Variants in MGMT observed in about 807,000 individuals in gnomAD.
MGMT encodes the protein methylated-DNA--protein-cysteine methyltransferase.
In MGMT, 14 loss-of-function variants were observed where a neutral mutation model predicts 15.9. The ratio of observed to expected loss-of-function variants is 0.88; its 90% CI spans 0.58 to 1.37. The LOEUF (loss-of-function observed/expected upper bound fraction) is 1.37. Ranked by LOEUF, MGMT falls within the 40% of genes most tolerant of loss-of-function variation. MGMT has a pLI of 0.00. For synonymous variants in MGMT, 130 were observed against 118.2 expected (o/e 1.10, Z -0.65); for missense variants, 282 against 268.1 (o/e 1.05, Z -0.36).
chr10:129,701,745 T>TA, intron 2 of MGMT: 1 of 152,268 alleles, frequency 6.6e-6, no homozygotes, highest in South Asian at 2.1e-4. Context: ...CCTTTGTCTG[T>TA]GGCCAGGTGG....
chr10:129,654,640 T>C (rs1847502819), intron 2 of MGMT, among the ~76,000 whole-genome samples: 1 of 151,856 alleles, frequency 6.6e-6, no homozygotes, highest in Admixed American at 6.6e-5. Flanking sequence ...AGGGCCTGTA[T>C]GGGTGGGTAA....
intron 2 of MGMT, among the ~76,000 whole-genome samples, chr10:129,703,390 G>A (rs750966632): frequency 3.3e-5 from 5 of 152,162 alleles, no homozygotes; most frequent in Non-Finnish European, 7.3e-5. Context: ...TTTTGCTCAG[G>A]GGTGATGAAG....
At chr10:129,515,340 G>T (rs1394958497) in intron 1 of MGMT, among the ~76,000 whole-genome samples, 7 of 152,180 alleles carry the variant, frequency 4.6e-5, no homozygotes, top group Non-Finnish European at 1.5e-5. Flanking sequence ...CGGAGTGTGG[G>T]GTTGGGGACT....
At chr10:129,476,671 G>A (rs962093283) in intron 1 of MGMT, among the ~76,000 whole-genome samples, 1 of 152,164 alleles carries the variant, frequency 6.6e-6, no homozygotes, top group African/African-American at 2.4e-5. Flanking sequence ...GTGGCTGGGT[G>A]GGGAGGTCAG....
intron 2 of MGMT, among the ~76,000 whole-genome samples, chr10:129,542,993 A>G (rs1326658369): frequency 6.6e-6 from 1 of 152,254 alleles, no homozygotes; most frequent in Non-Finnish European, 1.5e-5. Flanking sequence ...AGTGTCCTTT[A>G]GAAGCCAGAC....
At chr10:129,572,674 A>G (rs1399473567) in intron 2 of MGMT, among the ~76,000 whole-genome samples, 7 of 152,230 alleles carry the variant, frequency 4.6e-5, no homozygotes, top group East Asian at 3.8e-4. Flanking sequence ...CACTCAGTGT[A>G]GATATTAAGT....
At chr10:129,661,708 G>A (rs867742892) in intron 2 of MGMT, among the ~76,000 whole-genome samples, 4 of 152,010 alleles carry the variant, frequency 2.6e-5, no homozygotes, top group African/African-American at 7.3e-5. Context: ...AAAGTTTTCC[G>A]CAATTTAATC....
At chr10:129,740,795 TG>T (rs1271890101) in intron 3 of MGMT, among the ~76,000 whole-genome samples, 1 of 151,940 alleles carries the variant, frequency 6.6e-6, no homozygotes, top group Non-Finnish European at 1.5e-5. Context: ...ACCTGCAGAG[TG>T]GATGATGGGG....
chr10:129,607,426 T>C (rs1292092834), intron 2 of MGMT, among the ~76,000 whole-genome samples: 1 of 152,230 alleles, frequency 6.6e-6, no homozygotes, highest in African/African-American at 2.4e-5. Context: ...CAATTGACTC[T>C]GTGACCATTA....
intron 1 of MGMT, among the ~76,000 whole-genome samples, chr10:129,474,800 G>A (rs767685514): frequency 3.9e-5 from 6 of 152,198 alleles, no homozygotes; most frequent in Admixed American, 6.5e-5. Flanking sequence ...GACGTGTTTC[G>A]TGGGCTGGTG....
At chr10:129,747,496 CT>C (rs1210763943) in intron 3 of MGMT, among the ~76,000 whole-genome samples, 1 of 151,988 alleles carries the variant, frequency 6.6e-6, no homozygotes, top group Non-Finnish European at 1.5e-5. Context: ...TTTTAATAGC[CT>C]TTGTTTTTAG....
At chr10:129,507,964 C>CT (rs1019468126) in intron 1 of MGMT, among the ~76,000 whole-genome samples, 12 of 152,294 alleles carry the variant, frequency 7.9e-5, no homozygotes, top group Admixed American at 2.0e-4. Context: ...CCACTGGATT[C>CT]TGGGTGGGAT....
At chr10:129,660,713 A>G (rs895646476) in intron 2 of MGMT, among the ~76,000 whole-genome samples, 1 of 152,104 alleles carries the variant, frequency 6.6e-6, no homozygotes, top group Non-Finnish European at 1.5e-5. Context: ...AACCCCTCAG[A>G]AATATGCAAA....
intron 4 of MGMT, among the ~76,000 whole-genome samples, chr10:129,760,649 G>A (rs138280837): frequency 5.3e-4 from 80 of 152,330 alleles, no homozygotes; most frequent in South Asian, 1.7e-3. Flanking sequence ...TGACAGTTAC[G>A]TAGGCTTTTG....
intron 2 of MGMT, among the ~76,000 whole-genome samples, chr10:129,636,936 C>T (rs1284926733): frequency 1.3e-5 from 2 of 152,188 alleles, no homozygotes; most frequent in African/African-American, 4.8e-5. Context: ...TTTAAATTGA[C>T]AAGAGCAGCC....
At chr10:129,499,899 C>T (rs1034044827) in intron 1 of MGMT, among the ~76,000 whole-genome samples, 1 of 152,110 alleles carries the variant, frequency 6.6e-6, no homozygotes, top group African/African-American at 2.4e-5. Context: ...AGTTTTCACC[C>T]GATGACTGAA....
At chr10:129,759,382 G>C (rs2308323) in intron 4 of MGMT, 41 bp downstream of exon 4, 2 of 1,612,926 alleles carry the variant, frequency 1.2e-6, no homozygotes, top group Admixed American at 1.7e-5. Flanking sequence ...GGTGGCGGGT[G>C]CGTGCAGGTG....
intron 1 of MGMT, among the ~76,000 whole-genome samples, chr10:129,486,469 G>A (rs1038443553): frequency 2.0e-5 from 3 of 152,108 alleles, no homozygotes; most frequent in African/African-American, 7.2e-5. Flanking sequence ...GATTACAGGT[G>A]TGAGCCACTG....
intron 1 of MGMT, among the ~76,000 whole-genome samples, chr10:129,535,508 C>T (rs1008826335): frequency 1.3e-5 from 2 of 152,226 alleles, no homozygotes; most frequent in Non-Finnish European, 2.9e-5. Context: ...CAGGTGTGTG[C>T]TATCATACCC....
Sources: gnomAD v4.1 joint callset for allele counts (sites outside exome capture counted in the v4.1 genomes callset) on GRCh38, gnomAD v4.1.1 for gene constraint, MANE v1.5 for transcripts, NCBI Gene and HGNC (gene_info 2026-07-23, HGNC 2026-07-21) for gene names.